STXBP4: variants seen among roughly 807,000 people sequenced by gnomAD.
STXBP4 encodes the protein syntaxin-binding protein 4.
In STXBP4, 55 loss-of-function variants were observed where a neutral mutation model predicts 76.1. That is an observed-to-expected ratio of 0.72 (90% CI 0.58 to 0.91). The LOEUF (loss-of-function observed/expected upper bound fraction) is 0.91, where lower values mean the gene tolerates loss of function less well. STXBP4 is among the 40% of genes least tolerant of loss of function. STXBP4 has a pLI of 0.00. For synonymous variants in STXBP4, 201 were observed against 220.2 expected (o/e 0.91, Z 0.77); for missense variants, 618 against 636.9 (o/e 0.97, Z 0.32).
At chr17:55,002,383 G>A (rs755966815) in intron 7 of STXBP4, among the ~76,000 whole-genome samples, 7 of 152,102 alleles carry the variant, frequency 4.6e-5, no homozygotes, top group Non-Finnish European at 8.8e-5. Flanking sequence ...GAAGAAATTA[G>A]GATATTTTCT....
chr17:55,060,333 G>A (rs2078980453), intron 12 of STXBP4, among the ~76,000 whole-genome samples: 1 of 152,044 alleles, frequency 6.6e-6, no homozygotes, highest in Non-Finnish European at 1.5e-5. Flanking sequence ...TCCAAAGATT[G>A]ATTTCTTTTT....
chr17:55,126,321 G>T (rs1045190896), intron 16 of STXBP4, among the ~76,000 whole-genome samples: 1 of 152,158 alleles, frequency 6.6e-6, no homozygotes, highest in African/African-American at 2.4e-5. Flanking sequence ...ATACCTACAT[G>T]CAATGAAGCG....
At chr17:55,077,254 G>C (rs1478586410) in intron 13 of STXBP4, among the ~76,000 whole-genome samples, 1 of 152,072 alleles carries the variant, frequency 6.6e-6, no homozygotes, top group East Asian at 1.9e-4. Flanking sequence ...AATTCTTTGA[G>C]CTCTGAGTTT....
In STXBP4 at chr17:54,985,703, A is replaced by G. The variant is rs2077616257; in HGVS notation, c.-79+12A>G. On this transcript the variant is annotated intron_variant, in intron 2 of 17. Coordinates refer to ENST00000376352, the MANE Select transcript of STXBP4 (RefSeq NM_178509.6). ...TCTCAAGATAGTTGGTAAGATAATA[A>G]GAATTTAGTTTTTTTCAAATGCATT... 6.6e-6 allele frequency: 1 copy of G among 152,464 alleles called. No homozygotes were observed. 9.4% of individuals were successfully genotyped at this position (152,464 alleles called of 1,614,324 possible).
intron 16 of STXBP4, among the ~76,000 whole-genome samples, chr17:55,083,824 T>C (rs184811497): frequency 6.7e-4 from 102 of 152,306 alleles, no homozygotes; most frequent in African/African-American, 2.3e-3. Flanking sequence ...TATCACCTTT[T>C]ATGACCCAGC....
At chr17:54,991,847 T>C (rs1210762971) in intron 4 of STXBP4, 1 of 151,716 alleles carries the variant, frequency 6.6e-6, no homozygotes, top group African/African-American at 2.4e-5. Flanking sequence ...ATTCTATTAA[T>C]ATCAAGCTAT....
At chr17:54,972,252 G>T (rs2077411884) in intron 1 of STXBP4, among the ~76,000 whole-genome samples, 1 of 152,202 alleles carries the variant, frequency 6.6e-6, no homozygotes, top group Non-Finnish European at 1.5e-5. Flanking sequence ...GTAGGGAGAA[G>T]CTTTGAGACT....
intron 12 of STXBP4, among the ~76,000 whole-genome samples, chr17:55,055,602 A>G (rs1255766343): frequency 1.3e-5 from 2 of 152,204 alleles, no homozygotes; most frequent in Non-Finnish European, 2.9e-5. Flanking sequence ...CATCTCAGTC[A>G]AAGTAAGGCA....
chr17:55,057,733 G>A (rs895617187), intron 12 of STXBP4, among the ~76,000 whole-genome samples: 16 of 152,252 alleles, frequency 1.1e-4, no homozygotes, highest in Non-Finnish European at 1.9e-4. Context: ...GCCCCAGTGT[G>A]TGATGTTCCC....
chr17:55,174,180 A>G (rs925862051), downstream of STXBP4, among the ~76,000 whole-genome samples: 4 of 152,224 alleles, frequency 2.6e-5, no homozygotes, highest in South Asian at 2.1e-4. Context: ...TCAAGGTAAC[A>G]TCTTCATGTG....
intron 8 of STXBP4, among the ~76,000 whole-genome samples, chr17:55,017,568 C>G (rs748881218): frequency 6.6e-6 from 1 of 152,224 alleles, no homozygotes; most frequent in Non-Finnish European, 1.5e-5. Context: ...GGGGGCTACA[C>G]TTTCAAGAAA....
chr17:54,991,714 ATAAT>A (rs2077719519), intron 4 of STXBP4: 1 of 150,704 alleles, frequency 6.6e-6, no homozygotes, highest in African/African-American at 2.4e-5. Flanking sequence ...AATTATATTA[ATAAT>A]TAAGAATTAA....
chr17:55,158,389 G>A (rs766401278), intron 17 of STXBP4, among the ~76,000 whole-genome samples: 37 of 152,218 alleles, frequency 2.4e-4, no homozygotes, highest in Non-Finnish European at 4.1e-4. Context: ...TGCTTCTGAG[G>A]TTGAGTTTGG....
At chr17:54,992,129 T>C (rs756999011) in intron 4 of STXBP4, among the ~76,000 whole-genome samples, 70 of 152,104 alleles carry the variant, frequency 4.6e-4, no homozygotes, top group Non-Finnish European at 8.7e-4. Flanking sequence ...CTAAGTGTTA[T>C]AGAGGCCAGG....
chr17:54,987,022 T>C (rs2077636255), intron 3 of STXBP4, among the ~76,000 whole-genome samples: 1 of 152,206 alleles, frequency 6.6e-6, no homozygotes, highest in Non-Finnish European at 1.5e-5. Context: ...AAATACCCAG[T>C]TTCCTCACAT....
the STXBP4 span, among the ~76,000 whole-genome samples, chr17:55,212,159 G>A: frequency 6.6e-6 from 1 of 152,118 alleles, no homozygotes; most frequent in African/African-American, 2.4e-5. Flanking sequence ...GGGAACATAA[G>A]TTTCTAAAGT....
chr17:55,082,191 A>T (rs1268448484), intron 16 of STXBP4, among the ~76,000 whole-genome samples: 1 of 152,226 alleles, frequency 6.6e-6, no homozygotes, highest in African/African-American at 2.4e-5. Flanking sequence ...TAGTCATCAG[A>T]TGCCTGCACC....
chr17:55,008,756 G>A (rs906413526), intron 8 of STXBP4, among the ~76,000 whole-genome samples: 15 of 152,056 alleles, frequency 9.9e-5, no homozygotes, highest in African/African-American at 3.6e-4. Context: ...GTATAGGGAG[G>A]TCCTCTCTGG....
intron 16 of STXBP4, among the ~76,000 whole-genome samples, chr17:55,121,136 A>C (rs2079839517): frequency 6.6e-6 from 1 of 152,306 alleles, no homozygotes; most frequent in Admixed American, 6.5e-5. Flanking sequence ...ACCCTCAAAG[A>C]GCTAGCAGTC....
Sources: gnomAD v4.1 joint callset for allele counts (sites outside exome capture counted in the v4.1 genomes callset) on GRCh38, gnomAD v4.1.1 for gene constraint, MANE v1.5 for transcripts, NCBI Gene and HGNC (gene_info 2026-07-23, HGNC 2026-07-21) for gene names.